Variants in GMDS observed in about 807,000 individuals in gnomAD.
GMDS encodes GDP-mannose 4,6-dehydratase.
In GMDS, 20 loss-of-function variants were observed where a neutral mutation model predicts 49.9. The observed-to-expected ratio is 0.40, with a 90% confidence interval of 0.28 to 0.58. The LOEUF (loss-of-function observed/expected upper bound fraction) is 0.58. Ranked by LOEUF, GMDS falls within the 20% of genes least tolerant of loss-of-function variation. The probability of loss-of-function intolerance (pLI) is 0.42; values close to 1 mark genes in which losing one functional copy is unlikely to be tolerated. For synonymous variants in GMDS, 177 were observed against 178.6 expected (o/e 0.99, Z 0.07); for missense variants, 362 against 481.4 (o/e 0.75, Z 2.32).
intron 1 of GMDS, among the ~76,000 whole-genome samples, chr6:2,165,064 G>A (rs1316250159): frequency 5.3e-5 from 8 of 152,134 alleles, no homozygotes; most frequent in Non-Finnish European, 1.2e-4. Flanking sequence ...CTTACTACTG[G>A]AAAGAGTTAT....
At chr6:2,169,035 A>C (rs1489589581) in intron 1 of GMDS, among the ~76,000 whole-genome samples, 1 of 152,220 alleles carries the variant, frequency 6.6e-6, no homozygotes, top group Non-Finnish European at 1.5e-5. Context: ...ACTAGGATTC[A>C]GAGAGAATTT....
At chr6:1,964,569 C>A (rs1258990489) in intron 4 of GMDS, among the ~76,000 whole-genome samples, 1 of 152,174 alleles carries the variant, frequency 6.6e-6, no homozygotes, top group African/African-American at 2.4e-5. Flanking sequence ...TCACCGTGAA[C>A]CACACATCCT....
At chr6:2,086,415 TAC>T (rs1294195049) in intron 4 of GMDS, among the ~76,000 whole-genome samples, 2 of 152,218 alleles carry the variant, frequency 1.3e-5, no homozygotes, top group African/African-American at 4.8e-5. Context: ...ATCATTCTAA[TAC>T]GATACAGAGA....
chr6:1,996,305 G>A (rs1766277027), intron 4 of GMDS, among the ~76,000 whole-genome samples: 1 of 152,102 alleles, frequency 6.6e-6, no homozygotes, highest in African/African-American at 2.4e-5. Context: ...CTCACTGGGA[G>A]TGCATCTTCT....
intron 6 of GMDS, among the ~76,000 whole-genome samples, chr6:1,932,406 C>T (rs1274661793): frequency 2.6e-5 from 4 of 152,138 alleles, no homozygotes; most frequent in African/African-American, 4.8e-5. Flanking sequence ...GCATTCAAAT[C>T]GAGAGCTATA....
chr6:1,963,504 G>C (rs752804293), intron 4 of GMDS, among the ~76,000 whole-genome samples: 2 of 152,158 alleles, frequency 1.3e-5, no homozygotes, highest in African/African-American at 2.4e-5. Flanking sequence ...TTTATTCCAA[G>C]AGTTTTATAG....
intron 7 of GMDS, among the ~76,000 whole-genome samples, chr6:1,838,134 A>G (rs1757006806): frequency 6.6e-6 from 1 of 152,220 alleles, no homozygotes; most frequent in African/African-American, 2.4e-5. Flanking sequence ...CTAATAAAAG[A>G]AAAAGGGAGG....
At chr6:2,137,673 C>T (rs9503105) in intron 1 of GMDS, among the ~76,000 whole-genome samples, 4,992 of 152,030 alleles carry the variant, frequency 0.033, 290 homozygotes, top group African/African-American at 0.11. Flanking sequence ...GGGCAAGTGC[C>T]CCTTTTTGTT....
intron 1 of GMDS, among the ~76,000 whole-genome samples, chr6:2,201,778 G>T (rs1332141817): frequency 5.8e-4 from 71 of 123,044 alleles, no homozygotes; most frequent in African/African-American, 2.1e-3. Flanking sequence ...CACCACATGG[G>T]CATCCGAGAT....
At chr6:2,211,162 G>A (rs964090491) in intron 1 of GMDS, among the ~76,000 whole-genome samples, 8 of 152,046 alleles carry the variant, frequency 5.3e-5, no homozygotes, top group African/African-American at 1.7e-4. Context: ...GTGTGAGAAC[G>A]GACTAACACA....
intron 4 of GMDS, among the ~76,000 whole-genome samples, chr6:2,110,568 T>C (rs1419847257): frequency 6.6e-6 from 1 of 152,122 alleles, no homozygotes; most frequent in Non-Finnish European, 1.5e-5. Context: ...ATCCCAAGCT[T>C]GAAGTCCCAC....
At chr6:2,159,873 A>G (rs936584860) in intron 1 of GMDS, among the ~76,000 whole-genome samples, 1 of 152,126 alleles carries the variant, frequency 6.6e-6, no homozygotes, top group African/African-American at 2.4e-5. Context: ...TCAAATTGTC[A>G]CAAATCTCCA....
At position 2,159,465 on chromosome 6, in the gene GMDS, T is replaced by C. The variant is rs758941698; in HGVS notation, c.103-34734A>G. Among the ~76,000 whole-genome samples, 3 of 152,000 alleles carry C rather than the reference T, an allele frequency of 2.0e-5. No homozygotes were observed. In the South Asian group the frequency reaches 6.2e-4, roughly 32 times the overall value. ...CAGACTAATATCTACATACATTTTA[T>C]GCATTCATGGCATACCTTTTTCTTA... On this transcript the variant is annotated intron_variant, in intron 1 of 10. Coordinates refer to ENST00000380815, the MANE Select transcript of GMDS (RefSeq NM_001500.4).
Position 1,726,454 on chromosome 6 carries a change from C to G in GMDS, c.949G>C (p.Val317Leu). ...CGGTAGTACTTGAGATCCACAGTCA[C>G]GTGAACTTTGCCGGTCTCTTTACAT... ...GRCKETGKVH[V>L]TVDLKYYRPT... The change falls in exon 9 of 11, where the codon GTG (valine) becomes CTG (leucine). Residue 317 changes from valine to leucine, a missense_variant. Physicochemically the swap from Val to Leu is conservative, Grantham distance 32. Coordinates refer to ENST00000380815, the MANE Select transcript of GMDS (RefSeq NM_001500.4). 6.2e-7 allele frequency: 1 copy of G among 1,613,874 alleles called. No individual in the cohort carries two copies. Among genetic ancestry groups the G allele is most frequent in the Non-Finnish European group, 8.5e-7 (1 of 1,179,712 alleles).
chr6:2,136,906 C>CAAAAAAAAAAA (rs3049649), intron 1 of GMDS, among the ~76,000 whole-genome samples: 1 of 127,964 alleles, frequency 7.8e-6, no homozygotes, highest in Admixed American at 7.9e-5. Flanking sequence ...TCATTTCAAA[C>CAAAAAAAAAAA]AAAAAAAAAA....
Position 1,927,017 on chromosome 6 carries a change from G to A in GMDS, c.771+3086C>T, listed in dbSNP as rs368288156. Among the ~76,000 whole-genome samples the A allele has an allele frequency of 9.9e-4, 101 of 102,370 alleles. 1 individual carries two copies. Among genetic ancestry groups the A allele is most frequent in the African/African-American group, 3.1e-3 (97 of 31,060 alleles). The allele number at this position is 102,370 out of a possible 152,430, so 67.2% of individuals were successfully genotyped here. On this transcript the variant is annotated intron_variant, in intron 7 of 10. Transcript: ENST00000380815. ...GATGTATTTTTATTCAGAGGGTAGC[G>A]TGTTGATGTATTTTTATTCAGAGGG... is the stretch of plus-strand genomic sequence containing the variant.
chr6:2,217,138 G>A (rs1780380250), intron 1 of GMDS, among the ~76,000 whole-genome samples: 1 of 152,148 alleles, frequency 6.6e-6, no homozygotes, highest in Non-Finnish European at 1.5e-5. Context: ...CAGGTAAGCA[G>A]CTTGGCATTG....
chr6:1,633,492 C>T (rs545669003), intron 9 of GMDS, among the ~76,000 whole-genome samples: 1 of 152,212 alleles, frequency 6.6e-6, no homozygotes, highest in African/African-American at 2.4e-5. Context: ...ACCTGAGTTT[C>T]GGCTGATGGG....
chr6:1,648,478 T>G (rs539480279), intron 9 of GMDS, among the ~76,000 whole-genome samples: 1 of 152,220 alleles, frequency 6.6e-6, no homozygotes, highest in African/African-American at 2.4e-5. Context: ...CTCCATAAAG[T>G]ATGGCTTAAT....
Sources: gnomAD v4.1 joint callset for allele counts (sites outside exome capture counted in the v4.1 genomes callset) on GRCh38, gnomAD v4.1.1 for gene constraint, MANE v1.5 for transcripts, NCBI Gene and HGNC (gene_info 2026-07-23, HGNC 2026-07-21) for gene names.